Variants in IL1RAPL2 observed in about 807,000 individuals in gnomAD.
IL1RAPL2 encodes the protein X-linked interleukin-1 receptor accessory protein-like 2.
IL1RAPL2 carries 3 observed loss-of-function variants against 44.1 expected under a neutral mutation model. The observed-to-expected ratio is 0.07, with a 90% confidence interval of 0.03 to 0.18. IL1RAPL2 has a LOEUF of 0.18. Ranked by LOEUF, IL1RAPL2 falls within the 10% of genes least tolerant of loss-of-function variation. The pLI, the probability that IL1RAPL2 is intolerant of heterozygous loss-of-function variation, is 1.00. For missense variants in IL1RAPL2, 391 were observed against 496.4 expected, an observed-to-expected ratio of 0.79 and a Z score of 2.02; for synonymous variants, 181 against 178.8, an observed-to-expected ratio of 1.01 and a Z score of -0.10.
At chrX:105,426,343 T>C (rs1284997920) in intron 5 of IL1RAPL2, among the ~76,000 whole-genome samples, 1 of 110,828 alleles carries the variant, frequency 9.0e-6, no homozygotes, top group African/African-American at 3.3e-5. Flanking sequence ...TCACACACTA[T>C]ATTCTACCTA....
chrX:105,487,508 A>G (rs141708292), intron 6 of IL1RAPL2, among the ~76,000 whole-genome samples: 1,955 of 112,259 alleles, frequency 0.017, 39 homozygotes, highest in African/African-American at 0.059. Context: ...TGACAGAAAG[A>G]TGGAGACCTG....
intron 2 of IL1RAPL2, among the ~76,000 whole-genome samples, chrX:104,735,742 G>C (rs143150292): frequency 0.033 from 3,669 of 110,890 alleles, 136 homozygotes; most frequent in African/African-American, 0.11. Context: ...TTGCATAACT[G>C]GTAACTGTAG....
At chrX:105,015,362 G>A (rs1215282794) in intron 2 of IL1RAPL2, among the ~76,000 whole-genome samples, 1 of 111,034 alleles carries the variant, frequency 9.0e-6, no homozygotes, top group Non-Finnish European at 1.9e-5. Context: ...TACTGCTTTC[G>A]GTGTTTTAGT....
chrX:104,648,367 T>C (rs912314705), intron 1 of IL1RAPL2, among the ~76,000 whole-genome samples: 5 of 112,459 alleles, frequency 4.4e-5, no homozygotes, highest in Admixed American at 3.8e-4. Flanking sequence ...TGCATAATCA[T>C]TTGGATTGCT....
chrX:105,420,390 G>A (rs776968544), intron 5 of IL1RAPL2, among the ~76,000 whole-genome samples: 1 of 111,538 alleles, frequency 9.0e-6, no homozygotes, highest in South Asian at 3.8e-4. Flanking sequence ...ATAGTCCATT[G>A]TTGGACAATT....
At chrX:105,623,555 A>C (rs1192755741) in intron 6 of IL1RAPL2, among the ~76,000 whole-genome samples, 1 of 111,083 alleles carries the variant, frequency 9.0e-6, no homozygotes, top group Non-Finnish European at 1.9e-5. Context: ...TGATGCCCAC[A>C]TGAAGATCCT....
chrX:105,207,591 A>C (rs2147618206), intron 3 of IL1RAPL2, among the ~76,000 whole-genome samples: 1 of 111,412 alleles, frequency 9.0e-6, no homozygotes, highest in South Asian at 3.7e-4. Flanking sequence ...ATCCCCTATA[A>C]GTTTCTTCTC....
chrX:105,111,071 A>G (rs2032796815), intron 2 of IL1RAPL2, among the ~76,000 whole-genome samples: 1 of 112,154 alleles, frequency 8.9e-6, no homozygotes, highest in Non-Finnish European at 1.9e-5. Context: ...TGGCTTTGGA[A>G]AAGAGTTGAT....
At chrX:105,586,241 G>GA (rs776327216) in intron 6 of IL1RAPL2, among the ~76,000 whole-genome samples, 10 of 110,589 alleles carry the variant, frequency 9.0e-5, no homozygotes, top group Non-Finnish European at 1.5e-4. Context: ...CCAACAAACA[G>GA]AAAAAAAAGC....
chrX:105,359,699 G>T (rs2035233674), intron 5 of IL1RAPL2, among the ~76,000 whole-genome samples: 1 of 110,018 alleles, frequency 9.1e-6, no homozygotes, highest in Non-Finnish European at 1.9e-5. Flanking sequence ...CTGGTTCTTG[G>T]TCCCATACTT....
intron 2 of IL1RAPL2, among the ~76,000 whole-genome samples, chrX:105,158,481 C>T (rs1057290669): frequency 2.7e-5 from 3 of 112,554 alleles, no homozygotes; most frequent in African/African-American, 9.7e-5. Flanking sequence ...TTTTCTTTCC[C>T]CACCAAATGG....
intron 2 of IL1RAPL2, among the ~76,000 whole-genome samples, chrX:104,895,722 C>T (rs903688817): frequency 1.7e-4 from 19 of 112,025 alleles, no homozygotes; most frequent in African/African-American, 5.5e-4. Flanking sequence ...TCCCTGACCC[C>T]TTGTTCTTCC....
intron 2 of IL1RAPL2, among the ~76,000 whole-genome samples, chrX:104,814,340 C>A (rs1271500487): frequency 8.9e-6 from 1 of 112,243 alleles, no homozygotes; most frequent in Non-Finnish European, 1.9e-5. Flanking sequence ...TGAATAATAA[C>A]CATATGATTT....
intron 2 of IL1RAPL2, among the ~76,000 whole-genome samples, chrX:105,126,191 C>T (rs890692045): frequency 7.2e-5 from 8 of 111,148 alleles, no homozygotes; most frequent in Non-Finnish European, 1.1e-4. Context: ...AATCAATGTA[C>T]TTTCTCTTCC....
At chrX:104,841,830 T>G (rs1250373338) in intron 2 of IL1RAPL2, among the ~76,000 whole-genome samples, 2 of 110,646 alleles carry the variant, frequency 1.8e-5, no homozygotes, top group African/African-American at 6.6e-5. Flanking sequence ...CATTTTTTCC[T>G]TCATTTCAAA....
intron 2 of IL1RAPL2, among the ~76,000 whole-genome samples, chrX:104,818,447 G>C (rs1423092039): frequency 9.2e-6 from 1 of 108,259 alleles, no homozygotes; most frequent in African/African-American, 3.4e-5. Context: ...TGATTTTTAA[G>C]ATTATGATAG....
At chrX:105,747,458 C>A (rs1395471568) in intron 8 of IL1RAPL2, among the ~76,000 whole-genome samples, 2 of 83,955 alleles carry the variant, frequency 2.4e-5, no homozygotes, top group Non-Finnish European at 4.4e-5. Context: ...TTCTCTCTCT[C>A]TCTCTCTCTC....
At chrX:105,351,302 A>T (rs1182013936) in intron 5 of IL1RAPL2, among the ~76,000 whole-genome samples, 1 of 111,742 alleles carries the variant, frequency 8.9e-6, no homozygotes, top group Non-Finnish European at 1.9e-5. Context: ...AAGGAATATA[A>T]ATCATTCTAC....
chrX:104,879,937 C>T (rs1418964910), intron 2 of IL1RAPL2, among the ~76,000 whole-genome samples: 2 of 110,992 alleles, frequency 1.8e-5, no homozygotes, highest in Non-Finnish European at 3.8e-5. Flanking sequence ...TTTCAGGTAG[C>T]CAAGTAGGAT....
Sources: gnomAD v4.1 joint callset for allele counts (sites outside exome capture counted in the v4.1 genomes callset) on GRCh38, gnomAD v4.1.1 for gene constraint, MANE v1.5 for transcripts, NCBI Gene and HGNC (gene_info 2026-07-23, HGNC 2026-07-21) for gene names.